LIMA1: variants seen among roughly 807,000 people sequenced by gnomAD.
LIMA1 encodes LIM domain and actin binding 1, also known as LIM domain and actin-binding protein 1.
In LIMA1, 52 loss-of-function variants were observed where a neutral mutation model predicts 62.6. The observed-to-expected ratio is 0.83, with a 90% CI of 0.67 to 1.05. The LOEUF is 1.05. Ranked by LOEUF, LIMA1 falls within the 50% of genes least tolerant of loss-of-function variation. The probability of loss-of-function intolerance (pLI) is 0.00; values close to 1 mark genes in which losing one functional copy is unlikely to be tolerated. For missense variants in LIMA1, 780 were observed against 902.2 expected (o/e 0.86, Z 1.74); for synonymous variants, 302 against 317.8 (o/e 0.95, Z 0.53).
intron 1 of LIMA1, among the ~76,000 whole-genome samples, chr12:50,250,851 T>C (rs1156476443): frequency 6.6e-6 from 1 of 152,200 alleles, no homozygotes; most frequent in Non-Finnish European, 1.5e-5. Context: ...TCATCCATAA[T>C]AATAGCATTT....
intron 9 of LIMA1, among the ~76,000 whole-genome samples, chr12:50,182,345 T>C (rs1460648741): frequency 1.1e-5 from 1 of 93,712 alleles, no homozygotes; most frequent in Non-Finnish European, 2.3e-5. Context: ...GAGCAGGGGA[T>C]GGGGGAAGGG....
In LIMA1 at chr12:50,275,983, G is replaced by A. The variant is rs79777220; in HGVS notation, c.-24+7437C>T. ...ATCCCTCAGACACACTGATCTGCAG[G>A]TCTAGGTGGGACCTGAGACTCTACC... On this transcript the variant is annotated intron_variant, in intron 1 of 10. Transcript: ENST00000341247. Among the ~76,000 whole-genome samples, 7 of 152,238 alleles carry A rather than the reference G, an allele frequency of 4.6e-5. No homozygotes were observed. The East Asian group carries it at 1.3e-3, about 29-fold the overall frequency.
intron 1 of LIMA1, among the ~76,000 whole-genome samples, chr12:50,264,033 T>C (rs946001587): frequency 6.6e-5 from 10 of 151,730 alleles, no homozygotes; most frequent in African/African-American, 2.2e-4. Context: ...TATTCGGCTA[T>C]AAAGAGTAAT....
At position 50,177,519 on chromosome 12, in the gene LIMA1, A is replaced by G. The variant is rs1448790341; in HGVS notation, c.1825T>C (p.Ser609Pro). Residue 609 changes from serine to proline, a missense_variant, in exon 11 of 11, where the codon TCC becomes CCC. Transcript: ENST00000341247. ...CTCCAGCCTTTCCTGATAGGTGGGGACACAGTTTTTGGGCTCTTGACAGAG... is the reference window on the plus strand; with the variant it reads ...CTCCAGCCTTTCCTGATAGGTGGGGGCACAGTTTTTGGGCTCTTGACAGAG... ...STSVKSPKTVSPPIRKGWSMS... is the reference protein window; with the variant it reads ...STSVKSPKTVPPPIRKGWSMS... 26 of 1,612,158 alleles carry G rather than the reference A, an allele frequency of 1.6e-5. No homozygotes were observed. Among genetic ancestry groups the G allele is most frequent in the Non-Finnish European group, 2.1e-5 (25 of 1,179,222 alleles).
In LIMA1 at chr12:50,268,594, A is replaced by AATTATTATTATTATTATTATTATT. The variant is rs140101130; in HGVS notation, c.-24+14802_-24+14825dup. On this transcript the variant is annotated intron_variant, in intron 1 of 10. Transcript: ENST00000341247. Reference sequence around the variant, plus strand: ...CTTAATTCTTACACTGCCATGAAGCAATTATTATTATTATTATTATTATTG... The same window carrying AATTATTATTATTATTATTATTATT: ...CTTAATTCTTACACTGCCATGAAGCAATTATTATTATTATTATTATTATTATTATTATTATTATTATTATTATTG... Among the ~76,000 whole-genome samples, 8 of 149,262 alleles carry AATTATTATTATTATTATTATTATT rather than the reference A, an allele frequency of 5.4e-5. No individual in the cohort carries two copies. In the South Asian group the frequency reaches 1.3e-3, roughly 24 times the overall value.
intron 8 of LIMA1, among the ~76,000 whole-genome samples, chr12:50,194,952 A>G (rs1940896120): frequency 6.6e-6 from 1 of 152,016 alleles, no homozygotes; most frequent in South Asian, 2.1e-4. Context: ...GGAAGCTGAG[A>G]CAGGAGAATC....
chr12:50,274,117 C>T (rs960467544), intron 1 of LIMA1, among the ~76,000 whole-genome samples: 1 of 152,038 alleles, frequency 6.6e-6, no homozygotes, highest in Non-Finnish European at 1.5e-5. Context: ...CCAGATGGAC[C>T]GACCTCAGCT....
intron 8 of LIMA1, among the ~76,000 whole-genome samples, chr12:50,192,852 T>C (rs1592503722): frequency 6.6e-6 from 1 of 152,348 alleles, no homozygotes; most frequent in East Asian, 1.9e-4. Context: ...GTGCCATTTG[T>C]CATTTTTAAA....
chr12:50,200,731 G>T, intron 7 of LIMA1, 46 bp downstream of exon 7: 4 of 1,572,326 alleles, frequency 2.5e-6, no homozygotes, highest in Admixed American at 1.7e-5. Context: ...ATCTAATTTA[G>T]AACACATGCT....
intron 6 of LIMA1, among the ~76,000 whole-genome samples, chr12:50,202,937 T>C (rs1941080786): frequency 6.6e-6 from 1 of 152,022 alleles, no homozygotes; most frequent in Admixed American, 6.6e-5. Flanking sequence ...CAAAAATATG[T>C]GTGTGTACAT....
At chr12:50,193,274 T>C (rs1017030825) in intron 8 of LIMA1, among the ~76,000 whole-genome samples, 2 of 151,612 alleles carry the variant, frequency 1.3e-5, no homozygotes, top group African/African-American at 4.8e-5. Context: ...AGAAAAATGA[T>C]TGCAAAAAAA....
chr12:50,179,565 G>A lies in LIMA1; in HGVS notation c.1275-1496C>T, dbSNP rs530112299. 2.7e-3 allele frequency among the ~76,000 whole-genome samples: 406 copies of A among 149,576 alleles called. 6 individuals are homozygous for A. The highest frequency in any genetic ancestry group is 9.7e-3 in the African/African-American group (394 of 40,586). ...CCATTCTCCTGCCTCAGCCTCCCGA[G>A]TAGCTGGGACTACAGGCACTCGCCA... On this transcript the variant is annotated intron_variant, in intron 10 of 10. Coordinates refer to ENST00000341247, the MANE Select transcript of LIMA1 (RefSeq NM_016357.5).
chr12:50,249,380 A>G lies in LIMA1; in HGVS notation c.-23-606T>C, dbSNP rs538265697. ...AAAAATAAGGATAATATCTATCTTT[A>G]GGAGGTTTTGATATAGATTTAAGGA... On this transcript the variant is annotated intron_variant, in intron 1 of 10. Coordinates refer to ENST00000341247, the MANE Select transcript of LIMA1 (RefSeq NM_016357.5). 2.6e-5 allele frequency among the ~76,000 whole-genome samples: 4 copies of G among 152,318 alleles called. No homozygotes were observed. In the South Asian group the frequency reaches 8.3e-4, roughly 32 times the overall value.
Position 50,222,263 on chromosome 12 carries a change from G to C in LIMA1, c.388C>G (p.Leu130Val), listed in dbSNP as rs1159750194. The C allele has an allele frequency of 6.2e-7, 1 of 1,614,038 alleles. No homozygotes were observed. Among genetic ancestry groups the C allele is most frequent in the Non-Finnish European group, 8.5e-7 (1 of 1,180,036 alleles). The change falls in exon 4 of 11, where the codon CTC (leucine) becomes GTC (valine). Residue 130 changes from leucine to valine, a missense_variant. Transcript: ENST00000341247. ...ACGAGGGCTTCAGGAGGTGACCTGA[G>C]TCTAGATCTGGGGTGGATTTGTTCT... is the stretch of plus-strand genomic sequence containing the variant. Reference protein sequence around the residue: ...QEEQIHPRSRLRSPPEALVQG... With the variant: ...QEEQIHPRSRVRSPPEALVQG...
chr12:50,269,645 C>G (rs1020359074), intron 1 of LIMA1, among the ~76,000 whole-genome samples: 1 of 151,998 alleles, frequency 6.6e-6, no homozygotes, highest in South Asian at 2.1e-4. Flanking sequence ...TAGGAGCGGG[C>G]GCAGTGGCTC....
chr12:50,280,098 C>CT (rs1942320617), intron 1 of LIMA1, among the ~76,000 whole-genome samples: 1 of 134,174 alleles, frequency 7.5e-6, no homozygotes, highest in Non-Finnish European at 1.6e-5. Context: ...AAAGTTGCAT[C>CT]TTTTTTTCCC....
intron 3 of LIMA1, chr12:50,222,809 T>TG (rs1941470279): frequency 1.4e-6 from 1 of 709,488 alleles, no homozygotes; most frequent in Non-Finnish European, 1.9e-6. Context: ...CAAAGATTAA[T>TG]GGGGAAAAAA....
chr12:50,177,487 T>G lies in LIMA1; in HGVS notation c.1857A>C (p.Ser619=). The G allele has an allele frequency of 6.2e-7, 1 of 1,613,896 alleles. No individual in the cohort carries two copies. Residue 619 remains serine, a synonymous_variant, in exon 11 of 11, where the codon TCA becomes TCC. Transcript: ENST00000341247. ...CACCCACAGACTCTTCACTCTGCTC[T>G]GACATGCTCCAGCCTTTCCTGATAG... The part of the protein sequence containing the change: ...SPPIRKGWSM[S]EQSEESVGGR...
intron 3 of LIMA1, among the ~76,000 whole-genome samples, chr12:50,226,740 G>A (rs1941533993): frequency 6.6e-6 from 1 of 151,856 alleles, no homozygotes; most frequent in Admixed American, 6.6e-5. Flanking sequence ...TCGGGAGGCT[G>A]AGGCAGGAGA....
Sources: allele counts gnomAD v4.1 joint callset (sites outside exome capture counted in the v4.1 genomes callset), GRCh38; gene constraint gnomAD v4.1.1; transcripts MANE v1.5; gene names NCBI Gene and HGNC (gene_info 2026-07-23, HGNC 2026-07-21).